The following CNTN4 variants were observed in gnomAD, a reference collection of about 807,000 sequenced individuals.
CNTN4 encodes the protein contactin-4.
Under a neutral mutation model 122.5 loss-of-function variants are expected in CNTN4, and 77 were observed. That is an observed-to-expected ratio of 0.63 (90% CI 0.52 to 0.76). CNTN4 has a LOEUF of 0.76. Ranked by LOEUF, CNTN4 falls within the 30% of genes least tolerant of loss-of-function variation. The pLI is 0.00. For missense variants in CNTN4, 1,256 were observed against 1,259.1 expected (o/e 1.00, Z 0.04); for synonymous variants, 512 against 447.0 (o/e 1.15, Z -1.83).
intron 13 of CNTN4, among the ~76,000 whole-genome samples, chr3:2,951,578 G>A (rs539470718): frequency 2.0e-4 from 30 of 152,130 alleles, no homozygotes; most frequent in African/African-American, 6.0e-4. Flanking sequence ...TGCATAATTC[G>A]TCTAAACTTA....
chr3:2,974,491 A>G (rs1344552491), intron 13 of CNTN4, among the ~76,000 whole-genome samples: 3 of 152,184 alleles, frequency 2.0e-5, no homozygotes, highest in African/African-American at 7.2e-5. Flanking sequence ...CTTGTTAATT[A>G]TGACCCCCAT....
chr3:2,934,914 C>G (rs764606958), intron 13 of CNTN4, among the ~76,000 whole-genome samples: 1 of 152,150 alleles, frequency 6.6e-6, no homozygotes, highest in Non-Finnish European at 1.5e-5. Context: ...GAGCTTATAC[C>G]GCTCTTCAAA....
chr3:2,174,302 T>C (rs1017004807), intron 2 of CNTN4, among the ~76,000 whole-genome samples: 1 of 152,218 alleles, frequency 6.6e-6, no homozygotes, highest in African/African-American at 2.4e-5. Context: ...TCTTTTCTTA[T>C]AAATATGCAT....
intron 4 of CNTN4, among the ~76,000 whole-genome samples, chr3:2,675,470 A>G (rs1015800079): frequency 6.6e-6 from 1 of 152,058 alleles, no homozygotes; most frequent in African/African-American, 2.4e-5. Context: ...AACTTACCCA[A>G]TTTCCCTATT....
At chr3:2,226,230 G>C (rs1009209270) in intron 2 of CNTN4, among the ~76,000 whole-genome samples, 2 of 152,068 alleles carry the variant, frequency 1.3e-5, no homozygotes, top group Admixed American at 1.3e-4. Flanking sequence ...TCTTCAGGTA[G>C]ATTATAATAT....
chr3:2,641,975 C>T (rs776325679), intron 4 of CNTN4, among the ~76,000 whole-genome samples: 4 of 152,146 alleles, frequency 2.6e-5, no homozygotes, highest in Non-Finnish European at 5.9e-5. Context: ...AAGACATCCT[C>T]CGTATTAGTC....
At chr3:2,348,620 T>G (rs2044493930) in intron 3 of CNTN4, among the ~76,000 whole-genome samples, 1 of 152,204 alleles carries the variant, frequency 6.6e-6, no homozygotes, top group Non-Finnish European at 1.5e-5. Flanking sequence ...TTGTTTTACT[T>G]ATATTTTATT....
At chr3:2,318,028 T>C (rs1270057507) in intron 2 of CNTN4, among the ~76,000 whole-genome samples, 1 of 152,136 alleles carries the variant, frequency 6.6e-6, no homozygotes, top group Non-Finnish European at 1.5e-5. Context: ...TAATCTTAGA[T>C]GGCATGATTT....
intron 4 of CNTN4, among the ~76,000 whole-genome samples, chr3:2,700,763 T>A (rs1488619873): frequency 6.6e-6 from 1 of 152,192 alleles, no homozygotes; most frequent in African/African-American, 2.4e-5. Flanking sequence ...AAACCTTCCC[T>A]CAAATTGGCC....
intron 3 of CNTN4, among the ~76,000 whole-genome samples, chr3:2,403,024 G>A (rs1283170642): frequency 6.6e-6 from 1 of 152,038 alleles, no homozygotes; most frequent in Non-Finnish European, 1.5e-5. Context: ...TGTCGGCAGG[G>A]TTCGTTTCTT....
intron 3 of CNTN4, among the ~76,000 whole-genome samples, chr3:2,370,761 T>G (rs1050590128): frequency 6.6e-6 from 1 of 152,192 alleles, no homozygotes; most frequent in Non-Finnish European, 1.5e-5. Context: ...AAAAATGATA[T>G]AATTTTAGAG....
At chr3:2,294,371 C>T (rs2042233660) in intron 2 of CNTN4, among the ~76,000 whole-genome samples, 1 of 150,594 alleles carries the variant, frequency 6.6e-6, no homozygotes, top group Non-Finnish European at 1.5e-5. Flanking sequence ...TGGCTCACGC[C>T]TGTAATCCCA....
At chr3:2,308,012 G>C (rs149429182) in intron 2 of CNTN4, among the ~76,000 whole-genome samples, 1 of 152,190 alleles carries the variant, frequency 6.6e-6, no homozygotes, top group Admixed American at 6.5e-5. Context: ...GGAATGTACC[G>C]GTGAAGCCTT....
chr3:2,557,588 G>C (rs2078771848), intron 3 of CNTN4, among the ~76,000 whole-genome samples: 1 of 151,970 alleles, frequency 6.6e-6, no homozygotes, highest in Non-Finnish European at 1.5e-5. Flanking sequence ...AATTAGCTGG[G>C]CGTGGTGGCG....
At position 2,791,101 on chromosome 3, in the gene CNTN4, G is replaced by A. The variant is rs1248206818; in HGVS notation, c.359-28385G>A. On this transcript the variant is annotated intron_variant, in intron 6 of 24. Transcript: ENST00000418658. ...TCGGCAGAATTTCAGTTTCCACAAGGACAAGCCATTTTGACCTCTCTGAGA... is the reference window on the plus strand; with the variant it reads ...TCGGCAGAATTTCAGTTTCCACAAGAACAAGCCATTTTGACCTCTCTGAGA... 2.0e-5 allele frequency among the ~76,000 whole-genome samples: 3 copies of A among 152,228 alleles called. No homozygotes were observed. In the East Asian group the frequency reaches 5.8e-4, roughly 29 times the overall value.
intron 2 of CNTN4, among the ~76,000 whole-genome samples, chr3:2,120,557 T>C (rs890373574): frequency 2.6e-5 from 4 of 151,098 alleles, no homozygotes; most frequent in Non-Finnish European, 4.4e-5. Context: ...TGCACACCAC[T>C]ATGCCCAGCT....
At chr3:2,731,862 A>G (rs182301634) in intron 4 of CNTN4, among the ~76,000 whole-genome samples, 1 of 152,370 alleles carries the variant, frequency 6.6e-6, no homozygotes, top group East Asian at 1.9e-4. Flanking sequence ...TCAGTGGACT[A>G]TTGTGATCTC....
At chr3:2,596,113 T>C (rs1227190138) in intron 4 of CNTN4, among the ~76,000 whole-genome samples, 1 of 152,232 alleles carries the variant, frequency 6.6e-6, no homozygotes, top group Admixed American at 6.5e-5. Flanking sequence ...TGAATACATA[T>C]GCTTCAACAT....
chr3:2,385,806 C>A lies in CNTN4; in HGVS notation c.-89+46573C>A, dbSNP rs1380237262. On this transcript the variant is annotated intron_variant, in intron 3 of 24. Transcript: ENST00000418658. This position sits in a 1 kb window ranked among gnomAD's most constrained non-coding sequence, Gnocchi z 4.0. The stretch of plus-strand genomic sequence containing the variant: ...TTAACTTGGTTACATTTGCAAAGAC[C>A]CTGCTTCCAAATAAGGTCACATTCA... Among the ~76,000 whole-genome samples, 2 of 151,976 alleles carry A rather than the reference C, an allele frequency of 1.3e-5. No homozygotes were observed. The highest frequency in any genetic ancestry group is 2.9e-5 in the Non-Finnish European group (2 of 68,020).
Sources: allele counts gnomAD v4.1 joint callset (sites outside exome capture counted in the v4.1 genomes callset), GRCh38; gene constraint gnomAD v4.1.1; non-coding constraint Gnocchi (gnomAD v3.1); transcripts MANE v1.5; gene names NCBI Gene and HGNC (gene_info 2026-07-23, HGNC 2026-07-21).